NPFFR2: variants seen among roughly 807,000 people sequenced by gnomAD.
The protein encoded by NPFFR2 is neuropeptide FF receptor 2, also known as G-protein coupled receptor 74.
NPFFR2 carries 15 observed loss-of-function variants against 13.1 expected under a neutral mutation model. That is an observed-to-expected ratio of 1.15 (90% CI 0.77 to 1.76). The LOEUF (loss-of-function observed/expected upper bound fraction) is 1.76. NPFFR2 is among the 40% of genes most tolerant of loss of function. The pLI is 0.00. For missense variants in NPFFR2, 572 were observed against 503.5 expected (o/e 1.14, Z -1.30); for synonymous variants, 190 against 175.7 (o/e 1.08, Z -0.65).
Position 72,143,198 on chromosome 4 carries a change from A to G in NPFFR2, c.429-3780A>G, listed in dbSNP as rs141550511. ...GCTGGAACAAGGCAGGTGAAGTGGTACATTTGTCCACAAAGAGAGAGATTT... is the reference window on the plus strand; with the variant it reads ...GCTGGAACAAGGCAGGTGAAGTGGTGCATTTGTCCACAAAGAGAGAGATTT... On this transcript the variant is annotated intron_variant, in intron 3 of 3. Coordinates refer to ENST00000308744, the MANE Select transcript of NPFFR2 (RefSeq NM_004885.3). 2.6e-5 allele frequency among the ~76,000 whole-genome samples: 4 copies of G among 152,318 alleles called. No individual in the cohort carries two copies. The East Asian group carries it at 7.7e-4, about 29-fold the overall frequency.
chr4:72,093,796 G>A (rs2109803868), intron 1 of NPFFR2, among the ~76,000 whole-genome samples: 1 of 148,484 alleles, frequency 6.7e-6, no homozygotes, highest in East Asian at 2.0e-4. Context: ...TCTTGGATTG[G>A]CTTAATAGTT....
chr4:72,037,082 A>G (rs1719056889), intron 1 of NPFFR2, among the ~76,000 whole-genome samples: 1 of 152,068 alleles, frequency 6.6e-6, no homozygotes, highest in Non-Finnish European at 1.5e-5. Context: ...ATGGAGTCTC[A>G]TTTAAAATCT....
At chr4:72,141,295 C>T (rs576731030) in intron 3 of NPFFR2, among the ~76,000 whole-genome samples, 1 of 152,088 alleles carries the variant, frequency 6.6e-6, no homozygotes, top group East Asian at 1.9e-4. Flanking sequence ...TTCTTGCCTT[C>T]TGTTAGCTTT....
chr4:72,087,025 G>A (rs1720791617), intron 1 of NPFFR2, among the ~76,000 whole-genome samples: 2 of 152,026 alleles, frequency 1.3e-5, no homozygotes, highest in Non-Finnish European at 2.9e-5. Context: ...AGAAAATAAA[G>A]CCTTTATTTT....
At chr4:72,139,043 G>A (rs1200786635) in intron 3 of NPFFR2, among the ~76,000 whole-genome samples, 1 of 152,118 alleles carries the variant, frequency 6.6e-6, no homozygotes, top group Admixed American at 6.5e-5. Flanking sequence ...TATATCTGTT[G>A]GCTGCACAAA....
At chr4:72,127,690 A>C (rs1388373710) in intron 1 of NPFFR2, among the ~76,000 whole-genome samples, 4 of 151,652 alleles carry the variant, frequency 2.6e-5, no homozygotes, top group African/African-American at 9.7e-5. Context: ...ATTGTGTAAG[A>C]ACAGAATTAT....
At position 72,147,329 on chromosome 4, in the gene NPFFR2, G is replaced by A. The variant is rs767948914; in HGVS notation, c.780G>A (p.Glu260=). 6.8e-6 allele frequency: 11 copies of A among 1,614,176 alleles called. No homozygotes were observed. The East Asian group carries it at 2.2e-4, about 33-fold the overall frequency. The part of the protein sequence containing the change: ...AVPHTGRKNQ[E]QWHVVSRKKQ... Reference sequence around the variant, plus strand: ...CTCACACAGGCAGGAAGAACCAGGAGCAGTGGCACGTGGTGTCCAGGAAGA... The same window carrying A: ...CTCACACAGGCAGGAAGAACCAGGAACAGTGGCACGTGGTGTCCAGGAAGA... Residue 260 remains glutamate (E), a synonymous_variant, in exon 4 of 4, where the codon GAG becomes GAA. Transcript: ENST00000308744.
rs35594333 is a variant in NPFFR2, at chr4:72,058,040, A to G, written c.-8+25840A>G. On this transcript the variant is annotated intron_variant, in intron 1 of 3. Coordinates refer to ENST00000308744, the MANE Select transcript of NPFFR2 (RefSeq NM_004885.3). ...AGAGGCTTGGCTAGTTAAAAATTGT[A>G]CTAGAAAAACATTTCTTCAGCTCTA... Among the ~76,000 whole-genome samples, 296 of 152,162 alleles carry G rather than the reference A, an allele frequency of 1.9e-3. 2 individuals are homozygous for G. Among genetic ancestry groups the G allele is most frequent in the Non-Finnish European group, 1.6e-3 (112 of 67,964 alleles).
At chr4:72,057,476 C>T (rs904361887) in intron 1 of NPFFR2, among the ~76,000 whole-genome samples, 7 of 152,008 alleles carry the variant, frequency 4.6e-5, no homozygotes, top group Admixed American at 2.0e-4. Context: ...GGCAGCATAA[C>T]TCCAACCTTT....
chr4:72,044,138 G>T (rs1719311792), intron 1 of NPFFR2, among the ~76,000 whole-genome samples: 1 of 152,120 alleles, frequency 6.6e-6, no homozygotes, highest in Non-Finnish European at 1.5e-5. Flanking sequence ...GGACATGTTT[G>T]CTTCCCCTTC....
chr4:72,101,509 A>G lies in NPFFR2; in HGVS notation c.-7-27076A>G, dbSNP rs140647666. The stretch of plus-strand genomic sequence containing the variant: ...TGTTATATATAATAGAAGAGATACT[A>G]TAACATACTCAATGACTAATAATAA... On this transcript the variant is annotated intron_variant, in intron 1 of 3. Coordinates refer to ENST00000308744, the MANE Select transcript of NPFFR2 (RefSeq NM_004885.3). Among the ~76,000 whole-genome samples, 2,078 of 151,790 alleles carry G rather than the reference A, an allele frequency of 0.014. 99 individuals carry two copies. The East Asian group carries it at 0.16, about 12-fold the overall frequency.
intron 1 of NPFFR2, among the ~76,000 whole-genome samples, chr4:72,093,146 TA>T (rs1720961138): frequency 6.6e-6 from 1 of 152,302 alleles, no homozygotes; most frequent in East Asian, 1.9e-4. Context: ...TTAAGGGGGC[TA>T]AAAATAGGAC....
chr4:72,105,289 A>G (rs4694464), intron 1 of NPFFR2, among the ~76,000 whole-genome samples: 2,612 of 152,074 alleles, frequency 0.017, 255 homozygotes, highest in Admixed American at 0.16. Context: ...ATATGGTGCC[A>G]GAAAGAATAT....
intron 1 of NPFFR2, among the ~76,000 whole-genome samples, chr4:72,118,366 A>G (rs994429192): frequency 1.3e-5 from 2 of 152,236 alleles, no homozygotes; most frequent in Non-Finnish European, 2.9e-5. Context: ...CAATTATCCA[A>G]TGAAAACCTA....
chr4:72,141,200 A>C (rs1368777099), intron 3 of NPFFR2, among the ~76,000 whole-genome samples: 2 of 151,832 alleles, frequency 1.3e-5, no homozygotes, highest in Admixed American at 6.6e-5. Flanking sequence ...TGATCTTTAA[A>C]AAAAAACCAG....
At chr4:72,034,817 G>C (rs1210629559) in intron 1 of NPFFR2, among the ~76,000 whole-genome samples, 2 of 152,090 alleles carry the variant, frequency 1.3e-5, no homozygotes, top group African/African-American at 2.4e-5. Context: ...AAACTAGAAG[G>C]AAATGGAAAT....
intron 2 of NPFFR2, among the ~76,000 whole-genome samples, chr4:72,132,524 T>C (rs1447436458): frequency 1.3e-5 from 2 of 152,224 alleles, no homozygotes; most frequent in Non-Finnish European, 2.9e-5. Context: ...AGTATTGGGA[T>C]TGCTGGGTTG....
Position 72,148,205 on chromosome 4 carries a change from C to T in NPFFR2, c.*393C>T, listed in dbSNP as rs1423204964. ...TGAAACTAGATTTTATCAATTTCTC[C>T]TTTGATTTTGGATTTAAAATTTTAG... is the stretch of plus-strand genomic sequence containing the variant. On this transcript the variant is annotated 3_prime_UTR_variant, in exon 4 of 4. Coordinates refer to ENST00000308744, the MANE Select transcript of NPFFR2 (RefSeq NM_004885.3). 6.2e-6 allele frequency: 1 copy of T among 160,086 alleles called. No homozygotes were observed. Among genetic ancestry groups the T allele is most frequent in the East Asian group, 1.8e-4 (1 of 5,444 alleles). The allele number at this position is 160,086 out of a possible 1,614,324, so 9.9% of individuals were successfully genotyped here.
At chr4:72,094,851 TTCCTGCCGTGGTTCTTGGAGAAAA>T (rs1721016312) in intron 1 of NPFFR2, among the ~76,000 whole-genome samples, 1 of 152,222 alleles carries the variant, frequency 6.6e-6, no homozygotes, top group Non-Finnish European at 1.5e-5. Context: ...TCCTGGTATG[TTCCTGCCGTGGTTCTTGGAGAAAA>T]GGTTCACAAT....
Sources: allele counts gnomAD v4.1 joint callset (sites outside exome capture counted in the v4.1 genomes callset), GRCh38; gene constraint gnomAD v4.1.1; transcripts MANE v1.5; gene names NCBI Gene and HGNC (gene_info 2026-07-23, HGNC 2026-07-21).